The following MAD1L1 variants were observed in gnomAD, a reference collection of about 807,000 sequenced individuals.
The protein encoded by MAD1L1 is mitotic spindle assembly checkpoint protein MAD1.
A neutral mutation model predicts 96.9 loss-of-function variants in MAD1L1; 95 were observed. The ratio of observed to expected loss-of-function variants is 0.98; its 90% CI spans 0.83 to 1.16. The LOEUF (loss-of-function observed/expected upper bound fraction) is 1.16. Ranked by LOEUF, MAD1L1 falls within the 50% of genes most tolerant of loss-of-function variation. The probability of loss-of-function intolerance (pLI) is 0.00; values close to 1 mark genes in which losing one functional copy is unlikely to be tolerated. For missense variants in MAD1L1, 1,007 were observed against 954.4 expected (o/e 1.06, Z -0.73); for synonymous variants, 473 against 396.6 (o/e 1.19, Z -2.29).
At chr7:1,827,886 C>T (rs1000146701) in intron 18 of MAD1L1, among the ~76,000 whole-genome samples, 3 of 152,166 alleles carry the variant, frequency 2.0e-5, no homozygotes, top group African/African-American at 4.8e-5. Context: ...AGGACGTCAG[C>T]GGCCTCTGCG....
At position 1,815,925 on chromosome 7, in the gene MAD1L1, G is replaced by C. The variant is rs527454886; in HGVS notation, c.*145C>G. ...TGGCCGCCCCAGCAGGAAGCCCGACGTAGGTCCCAGCGTGTCTGTCAGTCA... is the reference window on the plus strand; with the variant it reads ...TGGCCGCCCCAGCAGGAAGCCCGACCTAGGTCCCAGCGTGTCTGTCAGTCA... On this transcript the variant is annotated 3_prime_UTR_variant, in exon 19 of 19. Transcript: ENST00000265854. 4.2e-4 allele frequency: 409 copies of C among 979,806 alleles called. No homozygotes were observed. The African/African-American group carries it at 6.4e-3, about 15-fold the overall frequency. 60.7% of individuals were successfully genotyped at this position (979,806 alleles called of 1,614,324 possible).
intron 10 of MAD1L1, among the ~76,000 whole-genome samples, chr7:2,167,441 C>T (rs1417217748): frequency 6.6e-6 from 1 of 151,774 alleles, no homozygotes; most frequent in East Asian, 1.9e-4. Context: ...CCCAGCTACT[C>T]GGGAGGCTGA....
At chr7:1,998,487 C>A (rs1000018048) in intron 14 of MAD1L1, among the ~76,000 whole-genome samples, 2 of 152,214 alleles carry the variant, frequency 1.3e-5, no homozygotes, top group Admixed American at 6.5e-5. Flanking sequence ...AGAAGCATGG[C>A]CCCCAGGCAC....
intron 11 of MAD1L1, among the ~76,000 whole-genome samples, chr7:2,081,225 C>T (rs1785628364): frequency 2.0e-5 from 3 of 152,078 alleles, no homozygotes; most frequent in African/African-American, 2.4e-5. Context: ...GGCTCTGAGC[C>T]GGTGGTGGAA....
intron 18 of MAD1L1, among the ~76,000 whole-genome samples, chr7:1,895,675 G>A (rs995020556): frequency 9.9e-5 from 15 of 152,260 alleles, no homozygotes; most frequent in Non-Finnish European, 2.1e-4. Context: ...GGAAGGGTGG[G>A]GAGCGGGGCC....
At chr7:1,954,614 C>T (rs1364995879) in intron 16 of MAD1L1, among the ~76,000 whole-genome samples, 1 of 152,152 alleles carries the variant, frequency 6.6e-6, no homozygotes, top group Admixed American at 6.5e-5. Flanking sequence ...GTCCCTCTGC[C>T]GCCAGATCTG....
chr7:2,095,706 A>G (rs1322649198), intron 11 of MAD1L1, among the ~76,000 whole-genome samples: 1 of 152,254 alleles, frequency 6.6e-6, no homozygotes, highest in Non-Finnish European at 1.5e-5. Flanking sequence ...AGAGGGGCAC[A>G]GGGACACACA....
chr7:1,926,181 A>T lies in MAD1L1; in HGVS notation c.1807+10506T>A, dbSNP rs148073777. ...ATATAATGAACCAGTTCCTCACAAT[A>T]AAAAAAACCCCAAAACCTACATTCT... On this transcript the variant is annotated intron_variant, in intron 17 of 18. Coordinates refer to ENST00000265854, the MANE Select transcript of MAD1L1 (RefSeq NM_001013836.2). Among the ~76,000 whole-genome samples, 235 of 152,076 alleles carry T rather than the reference A, an allele frequency of 1.5e-3. 1 individual carries two copies. Among genetic ancestry groups the T allele is most frequent in the African/African-American group, 5.3e-3 (221 of 41,470 alleles).
intron 13 of MAD1L1, among the ~76,000 whole-genome samples, chr7:2,011,293 C>A (rs572567473): frequency 2.9e-4 from 44 of 152,314 alleles, no homozygotes; most frequent in African/African-American, 1.0e-3. Flanking sequence ...TCCCTGTGCA[C>A]AGAGGGTGCA....
At chr7:2,045,922 G>C (rs1562634848) in intron 12 of MAD1L1, among the ~76,000 whole-genome samples, 1 of 152,186 alleles carries the variant, frequency 6.6e-6, no homozygotes, top group East Asian at 1.9e-4. Context: ...TCATCTTTAG[G>C]AGACATGGCA....
intron 10 of MAD1L1, among the ~76,000 whole-genome samples, chr7:2,153,432 A>G (rs1470396411): frequency 1.3e-5 from 2 of 152,356 alleles, no homozygotes; most frequent in Middle Eastern, 3.4e-3. Flanking sequence ...GCCAACAGGT[A>G]TATGAAAAAA....
chr7:2,003,571 G>A (rs960147825), intron 13 of MAD1L1, among the ~76,000 whole-genome samples: 5 of 152,054 alleles, frequency 3.3e-5, no homozygotes, highest in African/African-American at 9.7e-5. Context: ...AGGTGCTCCC[G>A]TGGAGGCTGC....
At chr7:1,896,324 C>T (rs952295494) in intron 18 of MAD1L1, among the ~76,000 whole-genome samples, 3 of 152,194 alleles carry the variant, frequency 2.0e-5, no homozygotes, top group Admixed American at 2.0e-4. Flanking sequence ...CCTGGGCGGG[C>T]GGATGAGGGC....
chr7:1,862,972 C>G (rs1406409142), intron 18 of MAD1L1, among the ~76,000 whole-genome samples: 1 of 152,232 alleles, frequency 6.6e-6, no homozygotes, highest in Non-Finnish European at 1.5e-5. Context: ...GGGGATCAGA[C>G]AAGTCCCACA....
chr7:1,865,459 C>T (rs1044611990), intron 18 of MAD1L1, among the ~76,000 whole-genome samples: 2 of 152,226 alleles, frequency 1.3e-5, no homozygotes, highest in Non-Finnish European at 2.9e-5. Context: ...TCTCAGGACA[C>T]CCTGCCCTGC....
chr7:2,049,466 C>T (rs769862490), intron 12 of MAD1L1, among the ~76,000 whole-genome samples: 1 of 152,224 alleles, frequency 6.6e-6, no homozygotes, highest in African/African-American at 2.4e-5. Flanking sequence ...GGGGGCAGCT[C>T]ACCAGCTCAC....
At chr7:1,852,651 A>C (rs1347973544) in intron 18 of MAD1L1, among the ~76,000 whole-genome samples, 4 of 152,092 alleles carry the variant, frequency 2.6e-5, no homozygotes, top group African/African-American at 9.7e-5. Context: ...TGGAAGGAAA[A>C]GGGGAGAAAT....
At chr7:2,111,430 A>AG (rs1246754748) in intron 11 of MAD1L1, among the ~76,000 whole-genome samples, 2 of 152,350 alleles carry the variant, frequency 1.3e-5, no homozygotes, top group African/African-American at 4.8e-5. Flanking sequence ...GGAATGAATG[A>AG]GGTACAGTCT....
chr7:1,975,023 A>C (rs181923124), intron 15 of MAD1L1, among the ~76,000 whole-genome samples: 22 of 152,356 alleles, frequency 1.4e-4, no homozygotes, highest in Non-Finnish European at 2.5e-4. Flanking sequence ...GCCCAGGCGC[A>C]GGGGCCGCTG....
Sources: gnomAD v4.1 joint callset for allele counts (sites outside exome capture counted in the v4.1 genomes callset) on GRCh38, gnomAD v4.1.1 for gene constraint, MANE v1.5 for transcripts, NCBI Gene and HGNC (gene_info 2026-07-23, HGNC 2026-07-21) for gene names.